Variants in PDZRN3 observed in about 807,000 individuals in gnomAD.
PDZRN3 encodes PDZ domain containing ring finger 3.
Under a neutral mutation model 85.7 loss-of-function variants are expected in PDZRN3, and 38 were observed. The observed-to-expected ratio is 0.44, with a 90% CI of 0.34 to 0.58. The LOEUF (loss-of-function observed/expected upper bound fraction) is 0.58. Ranked by LOEUF, PDZRN3 falls within the 20% of genes least tolerant of loss-of-function variation. The probability of loss-of-function intolerance (pLI) is 0.01; values close to 1 mark genes in which losing one functional copy is unlikely to be tolerated. For synonymous variants in PDZRN3, 759 were observed against 638.0 expected (o/e 1.19, Z -2.86); for missense variants, 1,629 against 1,506.4 (o/e 1.08, Z -1.35).
At chr3:73,424,498 T>C (rs11716933) in intron 3 of PDZRN3, among the ~76,000 whole-genome samples, 86,083 of 140,344 alleles carry the variant, frequency 0.61, 27,263 homozygotes, top group East Asian at 0.81. Context: ...GCTGAGATCG[T>C]GCCACTGCAC....
At chr3:73,441,587 C>T (rs997727550) in intron 3 of PDZRN3, among the ~76,000 whole-genome samples, 2 of 152,096 alleles carry the variant, frequency 1.3e-5, no homozygotes, top group African/African-American at 2.4e-5. Flanking sequence ...ATTTCTCTTA[C>T]CCCTATTTTA....
intron 1 of PDZRN3, among the ~76,000 whole-genome samples, chr3:73,616,058 G>C (rs150916838): frequency 4.2e-4 from 64 of 152,258 alleles, no homozygotes; most frequent in African/African-American, 1.4e-3. Context: ...ATTAGTTCTT[G>C]CAAGAGCTGG....
chr3:73,459,363 T>A (rs139040087), intron 3 of PDZRN3, among the ~76,000 whole-genome samples: 1 of 152,328 alleles, frequency 6.6e-6, no homozygotes, highest in African/African-American at 2.4e-5. Context: ...CATCTTTAAC[T>A]TTTATTTTAA....
At chr3:73,433,848 C>T in intron 3 of PDZRN3, 1 of 1,446,656 alleles carries the variant, frequency 6.9e-7, no homozygotes, top group Non-Finnish European at 9.0e-7. Context: ...TGGCGCTGCT[C>T]TCAGAGGCTA....
At chr3:73,508,337 TCA>T (rs1309794017) in intron 3 of PDZRN3, among the ~76,000 whole-genome samples, 1 of 152,116 alleles carries the variant, frequency 6.6e-6, no homozygotes, top group African/African-American at 2.4e-5. Flanking sequence ...GTGCATAAAC[TCA>T]GTCCTGCACT....
At position 73,388,011 on chromosome 3, in the gene PDZRN3, T is replaced by C. The variant is rs1159893004; in HGVS notation, c.1475A>G (p.Glu492Gly). The C allele has an allele frequency of 3.8e-6, 6 of 1,580,648 alleles. No individual in the cohort carries two copies. The highest frequency in any genetic ancestry group is 5.2e-6 in the Non-Finnish European group (6 of 1,161,144). The change falls in exon 8 of 10, where the codon GAA (glutamate) becomes GGA (glycine). Residue 492 changes from glutamate (E) to glycine (G), a missense_variant. Glu to Gly is a moderately conservative substitution (Grantham distance 98). Coordinates refer to ENST00000263666, the MANE Select transcript of PDZRN3 (RefSeq NM_015009.3). ...EEAVALLTSE[E>G]NKNFSLLIAR... ...AATCAGCAATGAAAAGTTTTTATTTTCTTCACTGGTTAGAAGAGCCACAGC... is the reference window on the plus strand; with the variant it reads ...AATCAGCAATGAAAAGTTTTTATTTCCTTCACTGGTTAGAAGAGCCACAGC...
intron 3 of PDZRN3, among the ~76,000 whole-genome samples, chr3:73,409,436 T>C (rs1233947514): frequency 1.3e-5 from 2 of 152,204 alleles, no homozygotes; most frequent in Non-Finnish European, 1.5e-5. Flanking sequence ...GACCCATCTG[T>C]CTATCTTTCA....
chr3:73,561,704 T>C (rs1466565502), intron 3 of PDZRN3: 1 of 152,208 alleles, frequency 6.6e-6, no homozygotes, highest in African/African-American at 2.4e-5. Flanking sequence ...CACGTGCATC[T>C]TCGCATGCGG....
At chr3:73,403,502 C>A (rs1017981387) in intron 4 of PDZRN3, among the ~76,000 whole-genome samples, 2 of 152,104 alleles carry the variant, frequency 1.3e-5, no homozygotes, top group Non-Finnish European at 2.9e-5. Context: ...TACAGCCCCA[C>A]AAAACAAAGT....
chr3:73,541,404 A>C (rs773845247), intron 3 of PDZRN3, among the ~76,000 whole-genome samples: 24 of 152,226 alleles, frequency 1.6e-4, no homozygotes, highest in Non-Finnish European at 2.1e-4. Flanking sequence ...GATACATATT[A>C]ATTCATTTAA....
intron 3 of PDZRN3, among the ~76,000 whole-genome samples, chr3:73,587,950 T>TA (rs1402190161): frequency 6.6e-6 from 1 of 152,148 alleles, no homozygotes; most frequent in African/African-American, 2.4e-5. Flanking sequence ...TACTTGTTTT[T>TA]TAAAAAAATT....
chr3:73,577,626 C>T (rs547311830), intron 3 of PDZRN3, among the ~76,000 whole-genome samples: 3 of 152,216 alleles, frequency 2.0e-5, no homozygotes, highest in African/African-American at 7.2e-5. Flanking sequence ...AGATTTGTGC[C>T]CCGCCCCAAA....
intron 3 of PDZRN3, among the ~76,000 whole-genome samples, chr3:73,481,144 T>G (rs1010538044): frequency 1.3e-5 from 2 of 152,192 alleles, no homozygotes; most frequent in African/African-American, 2.4e-5. Context: ...GACTTCTTGC[T>G]CTCTAATGAT....
At chr3:73,425,054 G>A (rs1370703773) in intron 3 of PDZRN3, among the ~76,000 whole-genome samples, 1 of 143,852 alleles carries the variant, frequency 7.0e-6, no homozygotes, top group Non-Finnish European at 1.5e-5. Context: ...TCGCTCTGTT[G>A]TCCAGGTTGG....
At chr3:73,604,860 G>A (rs995932166) in intron 2 of PDZRN3, among the ~76,000 whole-genome samples, 11 of 152,168 alleles carry the variant, frequency 7.2e-5, no homozygotes, top group African/African-American at 2.2e-4. Context: ...AGAGGAAGAA[G>A]CAAGAACAAA....
intron 3 of PDZRN3, among the ~76,000 whole-genome samples, chr3:73,529,532 G>C (rs576904058): frequency 7.6e-4 from 116 of 152,276 alleles, no homozygotes; most frequent in African/African-American, 2.6e-3. Flanking sequence ...CTCTAGTATG[G>C]CTCAGATCAT....
At chr3:73,561,618 A>G (rs191822003) in intron 3 of PDZRN3, 4 of 152,314 alleles carry the variant, frequency 2.6e-5, no homozygotes, top group African/African-American at 9.6e-5. Context: ...GCTATTATAT[A>G]AGAAAGGCTG....
chr3:73,495,043 A>T (rs2106669838), intron 3 of PDZRN3, among the ~76,000 whole-genome samples: 1 of 152,272 alleles, frequency 6.6e-6, no homozygotes, highest in South Asian at 2.1e-4. Flanking sequence ...AGGAATGCAA[A>T]TGCTGGAAAA....
At chr3:73,489,325 G>A (rs115597146) in intron 3 of PDZRN3, among the ~76,000 whole-genome samples, 1,981 of 152,072 alleles carry the variant, frequency 0.013, 52 homozygotes, top group African/African-American at 0.045. Context: ...TTCAAACAAC[G>A]GATCCCCATA....
Sources: allele counts gnomAD v4.1 joint callset (sites outside exome capture counted in the v4.1 genomes callset), GRCh38; gene constraint gnomAD v4.1.1; transcripts MANE v1.5; gene names NCBI Gene and HGNC (gene_info 2026-07-23, HGNC 2026-07-21).